Variants in MARCHF1 observed in about 807,000 individuals in gnomAD.
MARCHF1 encodes E3 ubiquitin-protein ligase MARCHF1.
A neutral mutation model predicts 54.2 loss-of-function variants in MARCHF1; 40 were observed. The ratio of observed to expected loss-of-function variants is 0.74; its 90% CI spans 0.57 to 0.96. The LOEUF (loss-of-function observed/expected upper bound fraction) is 0.96, where lower values mean the gene tolerates loss of function less well. Among genes scored for constraint, MARCHF1 ranks in the 40% least tolerant of loss-of-function variants. The probability of loss-of-function intolerance (pLI) is 0.00; values close to 1 mark genes in which losing one functional copy is unlikely to be tolerated. For synonymous variants in MARCHF1, 236 were observed against 236.3 expected (o/e 1.00, Z 0.01); for missense variants, 586 against 656.5 (o/e 0.89, Z 1.17).
rs1335250315 is a variant in MARCHF1 at position 163,909,374 on chromosome 4, G to T, written c.-38-55205C>A. 3.3e-5 allele frequency among the ~76,000 whole-genome samples: 5 copies of T among 152,116 alleles called. No individual in the cohort carries two copies. In the East Asian group the frequency reaches 9.6e-4, roughly 29 times the overall value. On this transcript the variant is annotated intron_variant, in intron 3 of 9. Coordinates refer to ENST00000514618, the MANE Select transcript of MARCHF1 (RefSeq NM_001394959.1). The stretch of plus-strand genomic sequence containing the variant: ...AACATAAGCATTTCTGTCATTGCAA[G>T]CCCATAAATTGTGTCCTACTGTGGT...
chr4:164,221,024 C>A (rs1000965653), intron 1 of MARCHF1, among the ~76,000 whole-genome samples: 2 of 151,852 alleles, frequency 1.3e-5, no homozygotes, highest in Admixed American at 6.6e-5. Flanking sequence ...AAGGACATAA[C>A]CTCCCATTCC....
chr4:163,809,051 C>T (rs1423150933), intron 4 of MARCHF1, among the ~76,000 whole-genome samples: 7 of 152,074 alleles, frequency 4.6e-5, no homozygotes, highest in Admixed American at 1.3e-4. Flanking sequence ...CTTTCCTCAC[C>T]GCTTGCATCT....
chr4:163,918,499 A>G (rs1231554927), intron 3 of MARCHF1, among the ~76,000 whole-genome samples: 1 of 152,124 alleles, frequency 6.6e-6, no homozygotes, highest in Admixed American at 6.6e-5. Context: ...GAAAAGAAGC[A>G]TTAATTGTGG....
chr4:164,092,739 T>A lies in MARCHF1; in HGVS notation c.-248+18849A>T, dbSNP rs541094036. 1.4e-4 allele frequency among the ~76,000 whole-genome samples: 22 copies of A among 152,244 alleles called. No homozygotes were observed. The East Asian group carries it at 3.1e-3, about 21-fold the overall frequency. ...AATTGGATATTGAAACTGCCACCAGTCCACTATTGAGTTCTCATCTTATTG... is the reference window on the plus strand; with the variant it reads ...AATTGGATATTGAAACTGCCACCAGACCACTATTGAGTTCTCATCTTATTG... On this transcript the variant is annotated intron_variant, in intron 2 of 9. Coordinates refer to ENST00000514618, the MANE Select transcript of MARCHF1 (RefSeq NM_001394959.1).
chr4:163,810,817 T>C (rs1321298177), intron 4 of MARCHF1, among the ~76,000 whole-genome samples: 11 of 152,316 alleles, frequency 7.2e-5, no homozygotes, highest in Middle Eastern at 3.4e-3. Flanking sequence ...ACTTCATCCA[T>C]AGTCAAGAAG....
chr4:163,695,845 A>G (rs1274694232), intron 5 of MARCHF1, among the ~76,000 whole-genome samples: 1 of 152,154 alleles, frequency 6.6e-6, no homozygotes, highest in Non-Finnish European at 1.5e-5. Context: ...AAAAGGCAAG[A>G]TTTGGCTGAC....
At chr4:164,150,018 T>G in intron 1 of MARCHF1, among the ~76,000 whole-genome samples, 1 of 152,176 alleles carries the variant, frequency 6.6e-6, no homozygotes, top group East Asian at 1.9e-4. Context: ...TGTTTCTATT[T>G]AGACACTATA....
At chr4:163,993,375 G>A (rs1753004742) in intron 2 of MARCHF1, among the ~76,000 whole-genome samples, 1 of 152,050 alleles carries the variant, frequency 6.6e-6, no homozygotes, top group African/African-American at 2.4e-5. Context: ...TCTTTTTAAT[G>A]TAAGTATTCT....
intron 9 of MARCHF1, among the ~76,000 whole-genome samples, chr4:163,538,904 C>T (rs1738625672): frequency 6.6e-6 from 1 of 152,202 alleles, no homozygotes; most frequent in Admixed American, 6.5e-5. Flanking sequence ...TGGTCTTGGT[C>T]ATATGACCTG....
intron 1 of MARCHF1, among the ~76,000 whole-genome samples, chr4:164,340,557 G>A (rs1241295230): frequency 1.3e-5 from 2 of 150,882 alleles, no homozygotes; most frequent in Middle Eastern, 3.4e-3. Flanking sequence ...AGCCTCTCAA[G>A]TAGCTGGGAC....
chr4:163,616,146 A>C (rs1436264842), intron 5 of MARCHF1, among the ~76,000 whole-genome samples: 5 of 152,164 alleles, frequency 3.3e-5, no homozygotes, highest in African/African-American at 1.2e-4. Context: ...GCTTCAGGAC[A>C]TTGATCTTTT....
intron 1 of MARCHF1, among the ~76,000 whole-genome samples, chr4:164,314,216 TA>T (rs955808738): frequency 1.3e-5 from 2 of 152,212 alleles, no homozygotes; most frequent in African/African-American, 4.8e-5. Context: ...TGTCTATATT[TA>T]ATTACTCAAG....
At chr4:164,051,719 CCCTTGT>C (rs1560880482) in intron 2 of MARCHF1, among the ~76,000 whole-genome samples, 1 of 152,126 alleles carries the variant, frequency 6.6e-6, no homozygotes, top group African/African-American at 2.4e-5. Context: ...CTAACTGATT[CCCTTGT>C]CCAGATACTT....
intron 2 of MARCHF1, among the ~76,000 whole-genome samples, chr4:164,098,719 A>T (rs1254846467): frequency 6.6e-6 from 1 of 152,230 alleles, no homozygotes; most frequent in Non-Finnish European, 1.5e-5. Context: ...TGCTCAGATC[A>T]AGGAGCCTTG....
chr4:163,929,082 A>G (rs1227873901), intron 3 of MARCHF1, among the ~76,000 whole-genome samples: 1 of 152,014 alleles, frequency 6.6e-6, no homozygotes, highest in Admixed American at 6.6e-5. Flanking sequence ...AATCATCCAA[A>G]TATTTTAATA....
intron 1 of MARCHF1, among the ~76,000 whole-genome samples, chr4:164,132,820 T>C (rs1013277647): frequency 5.9e-5 from 9 of 152,158 alleles, no homozygotes; most frequent in African/African-American, 1.9e-4. Context: ...TATATGTATG[T>C]ATGTGTATGT....
intron 1 of MARCHF1, among the ~76,000 whole-genome samples, chr4:164,361,917 T>A (rs1730733163): frequency 6.6e-6 from 1 of 152,104 alleles, no homozygotes; most frequent in Admixed American, 6.6e-5. Flanking sequence ...TGTATTTCTA[T>A]CTAGTTGGCC....
intron 4 of MARCHF1, among the ~76,000 whole-genome samples, chr4:163,717,840 G>T (rs571222688): frequency 2.0e-5 from 3 of 152,130 alleles, no homozygotes; most frequent in East Asian, 3.9e-4. Flanking sequence ...TTTTTGATGG[G>T]GTTGTCTGTT....
intron 4 of MARCHF1, among the ~76,000 whole-genome samples, chr4:163,716,275 G>C (rs571685606): frequency 1.3e-5 from 2 of 152,212 alleles, no homozygotes; most frequent in East Asian, 3.9e-4. Context: ...TTTGGATTTA[G>C]TCCTAATTTT....
Sources: allele counts gnomAD v4.1 joint callset (sites outside exome capture counted in the v4.1 genomes callset), GRCh38; gene constraint gnomAD v4.1.1; transcripts MANE v1.5; gene names NCBI Gene and HGNC (gene_info 2026-07-23, HGNC 2026-07-21).